PLXNB2: variants seen among roughly 807,000 people sequenced by gnomAD.
PLXNB2 encodes plexin B2.
PLXNB2 carries 85 observed loss-of-function variants against 202.6 expected under a neutral mutation model. The ratio of observed to expected loss-of-function variants is 0.42; its 90% CI spans 0.35 to 0.50. The LOEUF is 0.50. Among genes scored for constraint, PLXNB2 ranks in the 20% least tolerant of loss-of-function variants. PLXNB2 has a pLI of 0.02. For synonymous variants in PLXNB2, 1,239 were observed against 1,137.6 expected (o/e 1.09, Z -1.79); for missense variants, 2,063 against 2,586.2 (o/e 0.80, Z 4.39).
intron 35 of PLXNB2, among the ~76,000 whole-genome samples, chr22:50,276,281 C>T (rs1277715462): frequency 2.4e-5 from 3 of 123,952 alleles, no homozygotes; most frequent in Admixed American, 7.9e-5. Context: ...TGGGTGCAGC[C>T]GCAGGGAGGG....
Position 50,284,532 on chromosome 22 carries a change from C to A in PLXNB2, c.2181+41G>T, listed in dbSNP as rs567323000. On this transcript the variant is annotated intron_variant, in intron 12 of 36. Coordinates refer to ENST00000359337, the MANE Select transcript of PLXNB2 (RefSeq NM_012401.4). This position sits in a 1 kb window ranked among gnomAD's most constrained non-coding sequence, Gnocchi z 8.0. ...GTGACCCCCCACCCCACCCGGGGCCCTGGGGTCCAGCAGCCGAGCCGGCCT... is the reference window on the plus strand; with the variant it reads ...GTGACCCCCCACCCCACCCGGGGCCATGGGGTCCAGCAGCCGAGCCGGCCT... 1 of 1,495,606 alleles carries A rather than the reference C, an allele frequency of 6.7e-7. No individual in the cohort carries two copies. Among genetic ancestry groups the A allele is most frequent in the Admixed American group, 1.8e-5 (1 of 56,102 alleles). The allele number at this position is 1,495,606 out of a possible 1,614,324, so 92.6% of individuals were successfully genotyped here. A position where few individuals can be genotyped will look rare whatever the true frequency, so the allele number is the denominator to read the frequency against.
At position 50,280,516 on chromosome 22, in the gene PLXNB2, G is replaced by A; in HGVS notation, c.4148C>T (p.Ala1383Val). Residue 1383 changes from alanine (A) to valine (V), a missense_variant, in exon 25 of 37, where the codon GCC becomes GTC. Physicochemically the swap from Ala to Val is moderately conservative, Grantham distance 64. This residue lies in a region of PLXNB2 where 760 missense variants were observed against 1,109.4 expected (regional missense o/e 0.69). Coordinates refer to ENST00000359337, the MANE Select transcript of PLXNB2 (RefSeq NM_012401.4). ...FLELLEQYVV[A>V]KNPKLMLRRS... The stretch of plus-strand genomic sequence containing the variant: ...GCGCAGCATCAGCTTGGGGTTCTTG[G>A]CCACCACGTACTGCTCCAGGAGCTC... 6.2e-7 allele frequency: 1 copy of A among 1,610,060 alleles called. No homozygotes were observed.
At chr22:50,281,824 C>T in intron 20 of PLXNB2, 30 bp downstream of exon 20, 2 of 1,598,762 alleles carry the variant, frequency 1.3e-6, no homozygotes, top group South Asian at 2.2e-5. Flanking sequence ...CCGAGCAGGA[C>T]CCAGACACCC....
In PLXNB2 at chr22:50,286,277, G is replaced by A. The variant is rs529628396; in HGVS notation, c.1773C>T (p.Ala591=). The A allele has an allele frequency of 3.2e-5, 52 of 1,612,130 alleles. No homozygotes were observed. Among genetic ancestry groups the A allele is most frequent in the African/African-American group, 1.7e-4 (13 of 74,930 alleles). Residue 591 remains alanine (A), a synonymous_variant, in exon 9 of 37, where the codon GCC becomes GCT. Coordinates refer to ENST00000359337, the MANE Select transcript of PLXNB2 (RefSeq NM_012401.4). Reference sequence around the variant, plus strand: ...GTCTAAGGAGGAGCTGGATGGTCACGGCCACGTGGTCTGCAGACAGCAGAG... The same window carrying A: ...GTCTAAGGAGGAGCTGGATGGTCACAGCCACGTGGTCTGCAGACAGCAGAG... ...PVTPPGQDHV[A]VTIQLLLRRG...
intron 35 of PLXNB2, 38 bp downstream of exon 35, chr22:50,276,590 CG>C: frequency 6.7e-7 from 1 of 1,503,576 alleles, no homozygotes; most frequent in Non-Finnish European, 9.2e-7. Context: ...GTAGTGGGAG[CG>C]GGGAGGGCTG....
At position 50,288,767 on chromosome 22, in the gene PLXNB2, G is replaced by T; in HGVS notation, c.1356C>A (p.Ser452Arg). The part of the protein sequence containing the change: ...RDLVLSGDLG[S>R]LYAMTQDKVF... Reference sequence around the variant, plus strand: ...CCTTGTCCTGGGTCATGGCGTACAGGCTGCCCAGGTCTCCAGACAGTACCA... The same window carrying T: ...CCTTGTCCTGGGTCATGGCGTACAGTCTGCCCAGGTCTCCAGACAGTACCA... The change falls in exon 5 of 37, where the codon AGC becomes AGA. Residue 452 changes from serine to arginine, a missense_variant. By Grantham distance (110) the Ser-to-Arg change is moderately radical. Coordinates refer to ENST00000359337, the MANE Select transcript of PLXNB2 (RefSeq NM_012401.4). This position sits in a 1 kb window ranked among gnomAD's most constrained non-coding sequence, Gnocchi z 5.0. The T allele has an allele frequency of 6.2e-7, 1 of 1,613,028 alleles. No individual in the cohort carries two copies. Among genetic ancestry groups the T allele is most frequent in the Non-Finnish European group, 8.5e-7 (1 of 1,179,964 alleles).
chr22:50,278,029 T>C lies in PLXNB2; in HGVS notation c.4888-16A>G, dbSNP rs1404280714. The stretch of plus-strand genomic sequence containing the variant: ...GCAGTGTGCCCTGTGGGGGGGAGGG[T>C]CTCAGCGTGACGCCGTGGGCGCGGC... On this transcript the variant is annotated splice_polypyrimidine_tract_variant and intron_variant, in intron 31 of 36. Transcript: ENST00000359337. 6.9e-7 allele frequency: 1 copy of C among 1,443,790 alleles called. No individual in the cohort carries two copies. The highest frequency in any genetic ancestry group is 9.4e-7 in the Non-Finnish European group (1 of 1,067,982). The allele number at this position is 1,443,790 out of a possible 1,614,324, so 89.4% of individuals were successfully genotyped here.
intron 36 of PLXNB2, 29 bp from the exon 37 acceptor site, chr22:50,275,837 G>C (rs372016901): frequency 1.2e-6 from 2 of 1,605,446 alleles, no homozygotes; most frequent in Non-Finnish European, 1.7e-6. Flanking sequence ...AGAGCACACC[G>C]GGGGACCGCC....
chr22:50,293,909 C>T (rs2067074149), intron 2 of PLXNB2, among the ~76,000 whole-genome samples: 1 of 152,248 alleles, frequency 6.6e-6, no homozygotes, highest in Admixed American at 6.5e-5. Flanking sequence ...CCAGGGAAAG[C>T]CTGACTCCCA....
rs1465016475 is a variant in PLXNB2, at chr22:50,286,166, C to A, written c.1877+7G>T. On this transcript the variant is annotated splice_region_variant and intron_variant, in intron 9 of 36. Transcript: ENST00000359337. Reference sequence around the variant, plus strand: ...CAGGGTGGGGTCGATGGGCACAAGACACTCACGGCAGGTTCTCCTCCAGGC... The same window carrying A: ...CAGGGTGGGGTCGATGGGCACAAGAAACTCACGGCAGGTTCTCCTCCAGGC... 1 of 1,611,512 alleles carries A rather than the reference C, an allele frequency of 6.2e-7. No individual in the cohort carries two copies. The highest frequency in any genetic ancestry group is 8.5e-7 in the Non-Finnish European group (1 of 1,178,426).
chr22:50,277,710 G>A lies in PLXNB2; in HGVS notation c.5077C>T (p.Leu1693Phe), dbSNP rs1428590987. The A allele has an allele frequency of 1.2e-6, 2 of 1,603,794 alleles. No homozygotes were observed. Among genetic ancestry groups the A allele is most frequent in the Admixed American group, 1.7e-5 (1 of 59,414 alleles). ...TCAAAGATGAAGTGGGGGTTCTTGA[G>A]GATGTTCACCCAGAACCGGAGCGGT... Reference protein sequence around the residue: ...SLPLRFWVNILKNPHFIFDVH... With the variant: ...SLPLRFWVNIFKNPHFIFDVH... Residue 1693 changes from leucine (L) to phenylalanine (F), a missense_variant, in exon 33 of 37, where the codon CTC becomes TTC. By Grantham distance (22) the Leu-to-Phe change is conservative. Around this residue, in one of 2 missense-constraint regions of PLXNB2, gnomAD observed 760 missense variants for 1,109.4 expected, o/e 0.69. Transcript: ENST00000359337.
In PLXNB2 at chr22:50,283,962, G is replaced by C; in HGVS notation, c.2292C>G (p.Arg764=). Residue 764 remains arginine (R), a synonymous_variant, in exon 14 of 37, where the codon CGC becomes CGG. Coordinates refer to ENST00000359337, the MANE Select transcript of PLXNB2 (RefSeq NM_012401.4). ...CGGCCCGGCACAGGCTGCAGTCGCTGCGGCCAAAGGAGCAGTTGTAGAGGG... is the reference window on the plus strand; with the variant it reads ...CGGCCCGGCACAGGCTGCAGTCGCTCCGGCCAAAGGAGCAGTTGTAGAGGG... The part of the protein sequence containing the change: ...HVTLYNCSFG[R]SDCSLCRAAN... 1 of 1,551,040 alleles carries C rather than the reference G, an allele frequency of 6.4e-7. No homozygotes were observed.
At chr22:50,282,354 T>TG (rs1188174329) in intron 18 of PLXNB2, 41 bp from the exon 19 acceptor site, 2 of 1,538,150 alleles carry the variant, frequency 1.3e-6, no homozygotes, top group Admixed American at 3.8e-5. Context: ...CTGGCAGGGG[T>TG]GGTCCCTGCA....
In PLXNB2 at chr22:50,285,953, GCCCTGAACAGTC is replaced by G. The variant is rs745915025; in HGVS notation, c.1986+25_1986+36del. On this transcript the variant is annotated intron_variant, in intron 10 of 36. Transcript: ENST00000359337. ...TGCCTGGGCACAGCGGAGCAGCCAT[GCCCTGAACAGTC>G]CCCTGAGGCCCCGAGGCCCCTCACC... 95 of 1,605,064 alleles carry G rather than the reference GCCCTGAACAGTC, an allele frequency of 5.9e-5. No individual in the cohort carries two copies. The Admixed American group carries it at 8.7e-4, about 15-fold the overall frequency.
At chr22:50,280,448 G>A (rs369723867) in intron 25 of PLXNB2, 41 bp downstream of exon 25, 30 of 1,551,780 alleles carry the variant, frequency 1.9e-5, no homozygotes, top group East Asian at 6.8e-5. Flanking sequence ...CCCTGCGGCC[G>A]CCCCGCCCGT....
At chr22:50,300,208 C>T (rs2067594038) in intron 1 of PLXNB2, 1 of 934,800 alleles carries the variant, frequency 1.1e-6, no homozygotes, top group Non-Finnish European at 1.3e-6. Context: ...GAGTCTGACC[C>T]GAGTAACAAT....
intron 1 of PLXNB2, among the ~76,000 whole-genome samples, chr22:50,304,107 G>A (rs898025780): frequency 3.3e-5 from 5 of 152,164 alleles, no homozygotes; most frequent in African/African-American, 9.7e-5. Flanking sequence ...TCCAGGATCT[G>A]GGCTGCAGAG....
At position 50,275,727 on chromosome 22, in the gene PLXNB2, C is replaced by A; in HGVS notation, c.5494G>T (p.Glu1832Ter). 1 of 1,610,114 alleles carries A rather than the reference C, an allele frequency of 6.2e-7. No homozygotes were observed. The highest frequency in any genetic ancestry group is 1.1e-5 in the South Asian group (1 of 90,846). The change falls in exon 37 of 37, where the codon GAG becomes TAG. Residue 1832 changes from glutamate (E) to a stop codon, truncating the protein, a stop_gained. Coordinates refer to ENST00000359337, the MANE Select transcript of PLXNB2 (RefSeq NM_012401.4). LOFTEE classifies it high-confidence loss of function. ...GGTCAGAGGTCAGTGACCTTGTTCT[C>A]CAGTGCAGCGGCAATCTGCTGCAGG... ...FRLQQIAAAL[E>*]NKVTDL
chr22:50,276,947 C>T (rs1442055255), intron 33 of PLXNB2, 41 bp from the exon 34 acceptor site: 2 of 1,473,828 alleles, frequency 1.4e-6, no homozygotes. Context: ...CCAAGGGGGC[C>T]AGGCTGGGGC....
Sources: allele counts gnomAD v4.1 joint callset (sites outside exome capture counted in the v4.1 genomes callset), GRCh38; gene constraint gnomAD v4.1.1; regional missense constraint gnomAD v4.1.1; non-coding constraint Gnocchi (gnomAD v3.1); transcripts MANE v1.5; gene names NCBI Gene and HGNC (gene_info 2026-07-23, HGNC 2026-07-21).